The following IL6ST variants were observed in gnomAD, a reference collection of about 807,000 sequenced individuals.
IL6ST encodes the protein interleukin-6 receptor subunit beta.
IL6ST carries 24 observed loss-of-function variants against 91.3 expected under a neutral mutation model. That is an observed-to-expected ratio of 0.26 (90% CI 0.19 to 0.37). The LOEUF (loss-of-function observed/expected upper bound fraction) is 0.37, where lower values mean the gene tolerates loss of function less well. Among genes scored for constraint, IL6ST ranks in the 10% least tolerant of loss-of-function variants. The pLI, the probability that IL6ST is intolerant of heterozygous loss-of-function variation, is 1.00. For synonymous variants in IL6ST, 351 were observed against 373.6 expected (o/e 0.94, Z 0.70); for missense variants, 914 against 1,078.5 (o/e 0.85, Z 2.14).
At chr5:55,987,567 G>T (rs1039880791) in intron 1 of IL6ST, among the ~76,000 whole-genome samples, 1 of 152,002 alleles carries the variant, frequency 6.6e-6, no homozygotes. Context: ...GATGATACAG[G>T]GACTCTAGAA....
intron 1 of IL6ST, among the ~76,000 whole-genome samples, chr5:55,987,638 A>G (rs1005171967): frequency 6.6e-6 from 1 of 152,236 alleles, no homozygotes; most frequent in African/African-American, 2.4e-5. Flanking sequence ...AAGTTTTTAA[A>G]TAGCCTTCAC....
chr5:55,951,090 C>T lies in IL6ST; in HGVS notation c.1840+374G>A, dbSNP rs542729131. Among the ~76,000 whole-genome samples, 114 of 152,160 alleles carry T rather than the reference C, an allele frequency of 7.5e-4. No individual in the cohort carries two copies. In the Middle Eastern group the frequency reaches 0.01, roughly 14 times the overall value. ...ACCCCTAATTTCAGTATGTTAAATA[C>T]TGAGTGGGAGGTACGGAAGTGAAGA... On this transcript the variant is annotated intron_variant, in intron 14 of 16. Transcript: ENST00000381298.
chr5:55,935,546 C>T lies in IL6ST; in HGVS notation c.*5536G>A. The T allele has an allele frequency of 4.6e-6, 1 of 217,236 alleles. No homozygotes were observed. The highest frequency in any genetic ancestry group is 9.3e-6 in the Non-Finnish European group (1 of 108,016). 13.5% of individuals were successfully genotyped at this position (217,236 alleles called of 1,614,324 possible). A position where few individuals can be genotyped will look rare whatever the true frequency, so the allele number is the denominator to read the frequency against. On this transcript the variant is annotated 3_prime_UTR_variant, in exon 17 of 17. Coordinates refer to ENST00000381298, the MANE Select transcript of IL6ST (RefSeq NM_002184.4). ...AAGTTGTCCAAGAGCCAACCCCGAT[C>T]AGCAGCAACAGGACTCAAGCTGTTC...
chr5:55,937,478 T>C lies in IL6ST; in HGVS notation c.*3604A>G, dbSNP rs1750612205. On this transcript the variant is annotated 3_prime_UTR_variant, in exon 17 of 17. Coordinates refer to ENST00000381298, the MANE Select transcript of IL6ST (RefSeq NM_002184.4). The stretch of plus-strand genomic sequence containing the variant: ...TAAAGTTTTGTTTTGACTTACATCA[T>C]CTGAATTCTGTTTATCGAGTCTGAA... 4.7e-6 allele frequency: 1 copy of C among 211,236 alleles called. No individual in the cohort carries two copies. The highest frequency in any genetic ancestry group is 2.3e-5 in the African/African-American group (1 of 44,150). 13.1% of individuals were successfully genotyped at this position (211,236 alleles called of 1,614,324 possible). A position where few individuals can be genotyped will look rare whatever the true frequency, so the allele number is the denominator to read the frequency against.
At chr5:55,966,787 TTC>T (rs1752656549) in intron 5 of IL6ST, among the ~76,000 whole-genome samples, 1 of 152,180 alleles carries the variant, frequency 6.6e-6, no homozygotes, top group South Asian at 2.1e-4. Flanking sequence ...CTTTCAACTT[TTC>T]TGTTTGGAAA....
At chr5:55,951,675 T>A in intron 13 of IL6ST, 71 bp from the exon 14 acceptor site, 1 of 1,417,898 alleles carries the variant, frequency 7.1e-7, no homozygotes, top group Non-Finnish European at 9.6e-7. Flanking sequence ...TATTTGGCAT[T>A]GTGAAAGTGT....
chr5:55,946,609 G>C (rs1020659552), intron 15 of IL6ST, among the ~76,000 whole-genome samples: 3 of 152,130 alleles, frequency 2.0e-5, no homozygotes. Flanking sequence ...TTGAGGTCCG[G>C]AGTTCGAGAC....
chr5:55,992,288 T>C (rs1161058092), intron 1 of IL6ST, among the ~76,000 whole-genome samples: 1 of 152,186 alleles, frequency 6.6e-6, no homozygotes, highest in Non-Finnish European at 1.5e-5. Context: ...GACTTTCTGG[T>C]ATGATCTTAT....
At position 55,964,303 on chromosome 5, in the gene IL6ST, G is replaced by C. The variant is rs770937097; in HGVS notation, c.501C>G (p.His167Gln). The change falls in exon 6 of 17, where the codon CAC (histidine) becomes CAG (glutamine). Residue 167 changes from histidine (H) to glutamine (Q), a missense_variant. By Grantham distance (24) the His-to-Gln change is conservative (BLOSUM62 0). Coordinates refer to ENST00000381298, the MANE Select transcript of IL6ST (RefSeq NM_002184.4). ...NFTLKSEWAT[H>Q]KFADCKAKRD... ...GTTTTGCTTTGCAATCAGCAAACTT[G>C]TGTGTTGCCCTAAATACAAAAAATT... 3 of 1,608,536 alleles carry C rather than the reference G, an allele frequency of 1.9e-6. No homozygotes were observed. The highest frequency in any genetic ancestry group is 4.5e-5 in the East Asian group (2 of 44,632).
At chr5:55,989,222 A>G (rs1754176043) in intron 1 of IL6ST, among the ~76,000 whole-genome samples, 1 of 152,048 alleles carries the variant, frequency 6.6e-6, no homozygotes, top group Non-Finnish European at 1.5e-5. Flanking sequence ...TGAATAGACA[A>G]CTAAATCAAT....
intron 7 of IL6ST, among the ~76,000 whole-genome samples, chr5:55,962,362 T>C (rs1457527434): frequency 6.6e-6 from 1 of 152,220 alleles, no homozygotes; most frequent in Non-Finnish European, 1.5e-5. Context: ...CTGTTTGTGA[T>C]AAATGGAATC....
At chr5:55,985,472 GAT>G (rs1753911074) in intron 1 of IL6ST, among the ~76,000 whole-genome samples, 1 of 150,264 alleles carries the variant, frequency 6.7e-6, no homozygotes, top group South Asian at 2.1e-4. Context: ...AGTGAGCAGA[GAT>G]AGCACCACTG....
chr5:55,945,818 G>A (rs1029029486), intron 15 of IL6ST, among the ~76,000 whole-genome samples: 31 of 151,716 alleles, frequency 2.0e-4, no homozygotes, highest in African/African-American at 7.3e-4. Flanking sequence ...GCCCGGCTAA[G>A]TTTTTGTATT....
chr5:55,990,071 T>G (rs1754223934), intron 1 of IL6ST, among the ~76,000 whole-genome samples: 1 of 152,080 alleles, frequency 6.6e-6, no homozygotes, highest in Non-Finnish European at 1.5e-5. Context: ...AAATGAAACT[T>G]TGGAGGCAGA....
At chr5:55,963,712 T>G (rs1197906505) in intron 6 of IL6ST, among the ~76,000 whole-genome samples, 1 of 152,160 alleles carries the variant, frequency 6.6e-6, no homozygotes, top group Non-Finnish European at 1.5e-5. Context: ...CCTTGTTAAT[T>G]TACATTTGTT....
chr5:55,950,925 G>A (rs1751596235), intron 14 of IL6ST, among the ~76,000 whole-genome samples: 1 of 151,022 alleles, frequency 6.6e-6, no homozygotes, highest in Non-Finnish European at 1.5e-5. Flanking sequence ...CTCCACTGTA[G>A]CCTGGGCAAC....
rs375868893 is a variant in IL6ST at position 55,936,364 on chromosome 5, T to TTTA, written c.*4717_*4718insTAA. The TTTA allele has an allele frequency of 0.05, 9,236 of 186,462 alleles. 348 individuals carry two copies. The highest frequency in any genetic ancestry group is 0.073 in the Non-Finnish European group (6,748 of 92,612). 11.6% of individuals were successfully genotyped at this position (186,462 alleles called of 1,614,324 possible). A position where few individuals can be genotyped will look rare whatever the true frequency, so the allele number is the denominator to read the frequency against. On this transcript the variant is annotated 3_prime_UTR_variant, in exon 17 of 17. Transcript: ENST00000381298. ...AGGTTTTTTTTTTTTTTTTTTTTTTTAATGTCCACTAGGAGGGAGGATGCT... is the reference window on the plus strand; with the variant it reads ...AGGTTTTTTTTTTTTTTTTTTTTTTTTTAAATGTCCACTAGGAGGGAGGATGCT...
Position 55,963,462 on chromosome 5 carries a change from CCT to C in IL6ST, c.701_702del (p.Glu234GlyfsTer4). 1 of 1,609,042 alleles carries C rather than the reference CCT, an allele frequency of 6.2e-7. No homozygotes were observed. The highest frequency in any genetic ancestry group is 8.5e-7 in the Non-Finnish European group (1 of 1,176,490). ...PPHNLSVINS[E>X]ELSSILKLTW... ...GTCAATTTTAAGATACTAGACAGTTCCTCTGAGTTGATCACTGATAAATTATG... is the reference window on the plus strand; with the variant it reads ...GTCAATTTTAAGATACTAGACAGTTCCTGAGTTGATCACTGATAAATTATG... On this transcript the variant is annotated frameshift_variant, in exon 7 of 17. Coordinates refer to ENST00000381298, the MANE Select transcript of IL6ST (RefSeq NM_002184.4). LOFTEE classifies it high-confidence loss of function.
chr5:55,939,564 G>A lies in IL6ST; in HGVS notation c.*1518C>T, dbSNP rs11574785. On this transcript the variant is annotated 3_prime_UTR_variant, in exon 17 of 17. Transcript: ENST00000381298. ...CTAGAAACTATTCTAAGCATGCCTG[G>A]TTTCTGTAACTTAAATATGGCATAA... is the stretch of plus-strand genomic sequence containing the variant. The A allele has an allele frequency of 3.4e-5, 7 of 204,410 alleles. No individual in the cohort carries two copies. Among genetic ancestry groups the A allele is most frequent in the Non-Finnish European group, 5.0e-5 (5 of 99,768 alleles). 12.7% of individuals were successfully genotyped at this position (204,410 alleles called of 1,614,324 possible). A position where few individuals can be genotyped will look rare whatever the true frequency, so the allele number is the denominator to read the frequency against.
Sources: gnomAD v4.1 joint callset for allele counts (sites outside exome capture counted in the v4.1 genomes callset) on GRCh38, gnomAD v4.1.1 for gene constraint, MANE v1.5 for transcripts, NCBI Gene and HGNC (gene_info 2026-07-23, HGNC 2026-07-21) for gene names.